The following GSTCD variants were observed in gnomAD, a reference collection of about 807,000 sequenced individuals.
GSTCD encodes the protein glutathione S-transferase C-terminal domain containing.
In GSTCD, 44 loss-of-function variants were observed where a neutral mutation model predicts 68.3. That is an observed-to-expected ratio of 0.64 (90% CI 0.51 to 0.83). The LOEUF (loss-of-function observed/expected upper bound fraction) is 0.83, where lower values mean the gene tolerates loss of function less well. GSTCD is among the 40% of genes least tolerant of loss of function. GSTCD has a pLI of 0.00. For synonymous variants in GSTCD, 273 were observed against 255.2 expected (o/e 1.07, Z -0.67); for missense variants, 739 against 735.9 (o/e 1.00, Z -0.05).
rs1732788710 is a variant in GSTCD, at chr4:105,719,377, A to G, written c.744A>G (p.Val248=). The G allele has an allele frequency of 2.5e-6, 4 of 1,614,114 alleles. No homozygotes were observed. Among genetic ancestry groups the G allele is most frequent in the African/African-American group, 2.7e-5 (2 of 75,056 alleles). The part of the protein sequence containing the change: ...ELKVAFSKLT[V]QEEPATTNRE... The stretch of plus-strand genomic sequence containing the variant: ...AAGTGGCATTCTCAAAGCTCACAGT[A>G]CAGGAAGAACCAGCTACTACCAACA... The change falls in exon 3 of 12, where the codon GTA becomes GTG. Residue 248 remains valine, a synonymous_variant. Transcript: ENST00000515279.
intron 5 of GSTCD, among the ~76,000 whole-genome samples, chr4:105,795,464 T>A (rs1163157850): frequency 6.6e-6 from 1 of 152,084 alleles, no homozygotes; most frequent in African/African-American, 2.4e-5. Flanking sequence ...GTGAGCAGAA[T>A]CTCTAATCCA....
intron 5 of GSTCD, among the ~76,000 whole-genome samples, chr4:105,799,094 T>G (rs958570789): frequency 1.3e-5 from 2 of 152,194 alleles, no homozygotes; most frequent in Non-Finnish European, 2.9e-5. Flanking sequence ...TTATTAAACC[T>G]GATAAACCAA....
intron 5 of GSTCD, among the ~76,000 whole-genome samples, chr4:105,776,584 A>G (rs1735073692): frequency 6.6e-6 from 1 of 152,064 alleles, no homozygotes; most frequent in Admixed American, 6.5e-5. Context: ...TCCCTTGGCT[A>G]GGGGAGGGAG....
At chr4:105,753,908 C>T (rs372202354) in intron 5 of GSTCD, among the ~76,000 whole-genome samples, 2 of 151,808 alleles carry the variant, frequency 1.3e-5, no homozygotes, top group East Asian at 1.9e-4. Flanking sequence ...AAATATCTCA[C>T]GGTAAGTAAT....
At chr4:105,735,317 C>CT (rs757157492) in intron 5 of GSTCD, among the ~76,000 whole-genome samples, 2 of 152,188 alleles carry the variant, frequency 1.3e-5, no homozygotes, top group Non-Finnish European at 2.9e-5. Context: ...CTGCAGTGGG[C>CT]TCCACCCAGT....
At chr4:105,843,021 T>C (rs1044974182) in intron 11 of GSTCD, among the ~76,000 whole-genome samples, 3 of 152,258 alleles carry the variant, frequency 2.0e-5, no homozygotes, top group East Asian at 1.9e-4. Flanking sequence ...GACACCATTA[T>C]ATTTTTTCTC....
At chr4:105,769,233 G>GCACACA (rs57039503) in intron 5 of GSTCD, among the ~76,000 whole-genome samples, 421 of 146,332 alleles carry the variant, frequency 2.9e-3, no homozygotes, top group African/African-American at 9.9e-3. Context: ...ATACACGCGC[G>GCACACA]CACACACACA....
intron 5 of GSTCD, among the ~76,000 whole-genome samples, chr4:105,818,892 C>A: frequency 6.6e-6 from 1 of 151,680 alleles, no homozygotes; most frequent in East Asian, 1.9e-4. Context: ...CAGAGAGCAT[C>A]AATTGGGGTT....
chr4:105,834,634 T>C, intron 9 of GSTCD, 40 bp downstream of exon 9: 1 of 1,585,442 alleles, frequency 6.3e-7, no homozygotes, highest in Middle Eastern at 1.7e-4. Context: ...CCAACATGGG[T>C]ATAAGCCAGG....
At chr4:105,815,277 C>T (rs1722929308) in intron 5 of GSTCD, 1 of 152,232 alleles carries the variant, frequency 6.6e-6, no homozygotes, top group East Asian at 1.9e-4. Context: ...TTCTGTGTTC[C>T]AAGAGCAACC....
rs76941490 is a variant in GSTCD at position 105,745,154 on chromosome 4, C to T, written c.1240+15655C>T. Among the ~76,000 whole-genome samples the T allele has an allele frequency of 5.2e-3, 790 of 152,284 alleles. 6 individuals are homozygous for T. The highest frequency in any genetic ancestry group is 0.018 in the African/African-American group (760 of 41,560). ...TCATTATTGCATTTGCTCATTTTGTCAGTCTCTCAATATATGGATAGTACT... is the reference window on the plus strand; with the variant it reads ...TCATTATTGCATTTGCTCATTTTGTTAGTCTCTCAATATATGGATAGTACT... On this transcript the variant is annotated intron_variant, in intron 5 of 11. Coordinates refer to ENST00000515279, the MANE Select transcript of GSTCD (RefSeq NM_001370181.1).
rs1301309020 is a variant in GSTCD, at chr4:105,726,745, C to G, written c.1061C>G (p.Pro354Arg). 2.5e-6 allele frequency: 4 copies of G among 1,613,810 alleles called. No individual in the cohort carries two copies. The highest frequency in any genetic ancestry group is 3.4e-6 in the Non-Finnish European group (4 of 1,179,806). The change falls in exon 4 of 12, where the codon CCA (proline) becomes CGA (arginine). Residue 354 changes from proline to arginine, a missense_variant. Physicochemically the swap from Pro to Arg is moderately radical, Grantham distance 103. Coordinates refer to ENST00000515279, the MANE Select transcript of GSTCD (RefSeq NM_001370181.1). Reference protein sequence around the residue: ...KLLTTSTEQHPNLCEVPGVEE... With the variant: ...KLLTTSTEQHRNLCEVPGVEE... ...TTGACAACCTCAACTGAACAGCATC[C>G]AAACTTATGTGAAGTCCCAGGTGTA...
At chr4:105,795,749 C>T (rs748679376) in intron 5 of GSTCD, among the ~76,000 whole-genome samples, 14 of 152,110 alleles carry the variant, frequency 9.2e-5, no homozygotes, top group Admixed American at 9.2e-4. Flanking sequence ...ATTTATAGAT[C>T]ACCTTGTTAA....
chr4:105,742,039 A>C (rs1733646682), intron 5 of GSTCD, among the ~76,000 whole-genome samples: 1 of 152,232 alleles, frequency 6.6e-6, no homozygotes, highest in South Asian at 2.1e-4. Flanking sequence ...AATCTGTATT[A>C]AGATTTTATT....
intron 10 of GSTCD, 132 bp from the exon 11 acceptor site, chr4:105,841,933 A>G: frequency 4.6e-6 from 3 of 653,226 alleles, no homozygotes; most frequent in Non-Finnish European, 8.3e-6. Context: ...CAAAAATACT[A>G]TTTGTGCAGT....
chr4:105,737,490 T>C (rs909564016), intron 5 of GSTCD, among the ~76,000 whole-genome samples: 2 of 152,192 alleles, frequency 1.3e-5, no homozygotes, highest in African/African-American at 4.8e-5. Context: ...TCAATATAAT[T>C]CTATTTGTCT....
At chr4:105,845,363 A>C in intron 11 of GSTCD, 78 bp from the exon 12 acceptor site, 1 of 1,543,864 alleles carries the variant, frequency 6.5e-7, no homozygotes, top group Non-Finnish European at 8.9e-7. Context: ...TTTTGTCACT[A>C]TATAGATTCC....
intron 5 of GSTCD, among the ~76,000 whole-genome samples, chr4:105,747,984 G>T (rs1233638314): frequency 1.3e-5 from 2 of 152,078 alleles, no homozygotes; most frequent in African/African-American, 2.4e-5. Flanking sequence ...GCCAGGCATG[G>T]TGGCTCACTC....
chr4:105,775,898 T>C lies in GSTCD; in HGVS notation c.1240+46399T>C, dbSNP rs72956976. Among the ~76,000 whole-genome samples, 934 of 152,284 alleles carry C rather than the reference T, an allele frequency of 6.1e-3. 7 individuals are homozygous for C. The highest frequency in any genetic ancestry group is 0.021 in the African/African-American group (860 of 41,550). ...TGCTGTGCTGGGAGATATGCTCTCT[T>C]CAGAGCCAACAGGCAGGAACATTGA... On this transcript the variant is annotated intron_variant, in intron 5 of 11. Coordinates refer to ENST00000515279, the MANE Select transcript of GSTCD (RefSeq NM_001370181.1).
Sources: gnomAD v4.1 joint callset for allele counts (sites outside exome capture counted in the v4.1 genomes callset) on GRCh38, gnomAD v4.1.1 for gene constraint, MANE v1.5 for transcripts, NCBI Gene and HGNC (gene_info 2026-07-23, HGNC 2026-07-21) for gene names.